ZNF91: variants seen among roughly 807,000 people sequenced by gnomAD.
The protein encoded by ZNF91 is zinc finger protein 91, also known as zinc finger protein 91 (HPF7, HTF10).
Under a neutral mutation model 12.6 loss-of-function variants are expected in ZNF91, and 7 were observed. The ratio of observed to expected loss-of-function variants is 0.55; its 90% CI spans 0.31 to 1.04. The LOEUF (loss-of-function observed/expected upper bound fraction) is 1.04. Ranked by LOEUF, ZNF91 falls within the 50% of genes least tolerant of loss-of-function variation. The pLI is 0.05. For synonymous variants in ZNF91, 453 were observed against 462.6 expected (o/e 0.98, Z 0.27); for missense variants, 1,217 against 1,385.4 (o/e 0.88, Z 1.93).
At chr19:23,350,970 G>A (rs1968350396) in intron 3 of ZNF91, among the ~76,000 whole-genome samples, 2 of 152,028 alleles carry the variant, frequency 1.3e-5, no homozygotes, top group African/African-American at 4.8e-5. Flanking sequence ...CACGCTCTCA[G>A]GGTTCGAACC....
chr19:23,387,202 A>C (rs981238420), intron 1 of ZNF91, among the ~76,000 whole-genome samples: 1 of 152,278 alleles, frequency 6.6e-6, no homozygotes, highest in Non-Finnish European at 1.5e-5. Flanking sequence ...AACAGTGTAC[A>C]TTAATTCAAC....
chr19:23,369,377 G>C (rs1217513147), intron 3 of ZNF91, among the ~76,000 whole-genome samples: 1 of 151,658 alleles, frequency 6.6e-6, no homozygotes, highest in Non-Finnish European at 1.5e-5. Context: ...CGCCCCGTCC[G>C]GGAGGGAGGT....
chr19:23,375,910 C>T (rs1969489115), intron 1 of ZNF91, among the ~76,000 whole-genome samples: 2 of 152,296 alleles, frequency 1.3e-5, no homozygotes, highest in South Asian at 4.1e-4. Flanking sequence ...ATATTGCCCC[C>T]ACTAAAGTAA....
At chr19:23,372,008 T>C (rs1298097170) in intron 3 of ZNF91, among the ~76,000 whole-genome samples, 1 of 149,720 alleles carries the variant, frequency 6.7e-6, no homozygotes, top group Non-Finnish European at 1.5e-5. Context: ...AAACAAATAT[T>C]TGAGGAATAC....
At chr19:23,328,146 A>T (rs914720487) in intron 1 of ZNF91, 8 of 152,104 alleles carry the variant, frequency 5.3e-5, no homozygotes, top group Non-Finnish European at 1.0e-4. Context: ...GCCTACCGGT[A>T]TGGCAAAGAC....
At chr19:23,347,369 G>A (rs972356735) in intron 3 of ZNF91, among the ~76,000 whole-genome samples, 1 of 152,128 alleles carries the variant, frequency 6.6e-6, no homozygotes, top group African/African-American at 2.4e-5. Flanking sequence ...CCAGACTCCT[G>A]CAGAAAGCTA....
chr19:23,371,764 A>G (rs1969289008), intron 3 of ZNF91, among the ~76,000 whole-genome samples: 2 of 152,216 alleles, frequency 1.3e-5, no homozygotes. Context: ...ACTGGTATCT[A>G]TTGTATGGCA....
rs116830541 is a variant in ZNF91 at position 23,342,239 on chromosome 19, T to C, written c.254-3185A>G. 4.5e-3 allele frequency: 2,375 copies of C among 527,976 alleles called. 40 individuals carry two copies. Among genetic ancestry groups the C allele is most frequent in the African/African-American group, 0.04 (2,102 of 53,104 alleles). The allele number at this position is 527,976 out of a possible 1,614,324, so 32.7% of individuals were successfully genotyped here. A position where few individuals can be genotyped will look rare whatever the true frequency, so the allele number is the denominator to read the frequency against. On this transcript the variant is annotated intron_variant, in intron 3 of 3. Transcript: ENST00000599743. ...TCTTTTATTTGCTCAAAGCAGGATA[T>C]CAGATCAGAGTTAGAGACAGCAAGG...
chr19:23,311,901 C>CAA (rs78028804), upstream of ZNF91, among the ~76,000 whole-genome samples: 24,757 of 91,440 alleles, frequency 0.27, 2,474 homozygotes, highest in Middle Eastern at 0.33. Flanking sequence ...TAGGCCATGC[C>CAA]AAAAAAAAAA....
intron 1 of ZNF91, among the ~76,000 whole-genome samples, chr19:23,321,608 A>G (rs1277550278): frequency 9.2e-5 from 14 of 151,856 alleles, no homozygotes; most frequent in Non-Finnish European, 1.0e-4. Context: ...CAGCTCCAAG[A>G]TGTTACTCAT....
At chr19:23,319,572 A>G (rs1967641170) in intron 1 of ZNF91, among the ~76,000 whole-genome samples, 1 of 100,772 alleles carries the variant, frequency 9.9e-6, no homozygotes, top group Non-Finnish European at 2.4e-5. Flanking sequence ...CTTGTGACAT[A>G]TATCTGCATA....
intron 3 of ZNF91, among the ~76,000 whole-genome samples, chr19:23,364,808 G>T (rs557162331): frequency 1.3e-5 from 2 of 151,896 alleles, no homozygotes; most frequent in Non-Finnish European, 2.9e-5. Flanking sequence ...AAAATACAAC[G>T]ATAATATTTA....
chr19:23,363,302 TCATGA>T (rs892497723), intron 3 of ZNF91, among the ~76,000 whole-genome samples: 7 of 152,158 alleles, frequency 4.6e-5, no homozygotes, highest in Admixed American at 2.6e-4. Context: ...TTTCCCTCTC[TCATGA>T]CATAAGTGTT....
Position 23,359,128 on chromosome 19 carries a change from C to A in ZNF91, c.*275G>T. 1.8e-6 allele frequency: 1 copy of A among 552,542 alleles called. No homozygotes were observed. Among genetic ancestry groups the A allele is most frequent in the East Asian group, 4.3e-5 (1 of 23,410 alleles). The allele number at this position is 552,542 out of a possible 1,614,324, so 34.2% of individuals were successfully genotyped here. A position where few individuals can be genotyped will look rare whatever the true frequency, so the allele number is the denominator to read the frequency against. On this transcript the variant is annotated 3_prime_UTR_variant, in exon 4 of 4. Coordinates refer to ENST00000300619, the MANE Select transcript of ZNF91 (RefSeq NM_003430.4). Reference sequence around the variant, plus strand: ...TTCTTCACATTTGTAGAGTTTTACTCCAGTATGAATTACCTTATGTTTAGT... The same window carrying A: ...TTCTTCACATTTGTAGAGTTTTACTACAGTATGAATTACCTTATGTTTAGT...
At chr19:23,353,678 G>C (rs936566718), downstream of ZNF91, among the ~76,000 whole-genome samples, 1 of 152,022 alleles carries the variant, frequency 6.6e-6, no homozygotes, top group African/African-American at 2.4e-5. Flanking sequence ...TATTTGAAAA[G>C]ATAAATAAAA....
In ZNF91 at chr19:23,360,860, T is replaced by C. The variant is rs776835448; in HGVS notation, c.2119A>G (p.Ile707Val). ...RLSTLTKHKI[I>V]HAGEKLYKCE... ...TTGTAGAGTTTCTCTCCAGCATGTA[T>C]TATTTTATGTTTAGTAAGGGTTGAG... Residue 707 changes from isoleucine (I) to valine (V), a missense_variant, in exon 4 of 4, where the codon ATA becomes GTA. This residue lies in a region of ZNF91 where 726 missense variants were observed against 895.5 expected (regional missense o/e 0.81). Coordinates refer to ENST00000300619, the MANE Select transcript of ZNF91 (RefSeq NM_003430.4). 4.3e-6 allele frequency: 7 copies of C among 1,613,878 alleles called. No homozygotes were observed. The highest frequency in any genetic ancestry group is 5.9e-6 in the Non-Finnish European group (7 of 1,179,870).
intron 3 of ZNF91, among the ~76,000 whole-genome samples, chr19:23,340,553 CAAAG>C (rs1344756532): frequency 6.6e-6 from 1 of 151,784 alleles, no homozygotes; most frequent in Non-Finnish European, 1.5e-5. Flanking sequence ...AATGTCTTGA[CAAAG>C]AAAAGCTCAG....
At chr19:23,355,872 A>G (rs1011916311), downstream of ZNF91, among the ~76,000 whole-genome samples, 1 of 152,236 alleles carries the variant, frequency 6.6e-6, no homozygotes, top group Admixed American at 6.5e-5. Flanking sequence ...AAGAAGATAT[A>G]CAAATGGCCA....
chr19:23,360,090 C>A lies in ZNF91; in HGVS notation c.2889G>T (p.Glu963Asp). 6.2e-7 allele frequency: 1 copy of A among 1,613,506 alleles called. No homozygotes were observed. Among genetic ancestry groups the A allele is most frequent in the Non-Finnish European group, 8.5e-7 (1 of 1,180,014 alleles). ...CACATTCTTCACATTTGTAGGGTTT[C>A]TCTCCAGTATGAATTATCTTATGTG... is the stretch of plus-strand genomic sequence containing the variant. ...LTTHKIIHTG[E>D]KPYKCEECGK... The change falls in exon 4 of 4, where the codon GAG becomes GAT. Residue 963 changes from glutamate to aspartate, a missense_variant. Around this residue, in one of 2 missense-constraint regions of ZNF91, gnomAD observed 491 missense variants for 489.8 expected, o/e 1.00. Transcript: ENST00000300619.
Sources: allele counts gnomAD v4.1 joint callset (sites outside exome capture counted in the v4.1 genomes callset), GRCh38; gene constraint gnomAD v4.1.1; regional missense constraint gnomAD v4.1.1; transcripts MANE v1.5; gene names NCBI Gene and HGNC (gene_info 2026-07-23, HGNC 2026-07-21).